C3orf52: variants seen among roughly 807,000 people sequenced by gnomAD.
C3orf52 encodes the protein TPA-induced transmembrane protein.
C3orf52 carries 22 observed loss-of-function variants against 24.8 expected under a neutral mutation model. The ratio of observed to expected loss-of-function variants is 0.89; its 90% CI spans 0.63 to 1.27. The LOEUF (loss-of-function observed/expected upper bound fraction) is 1.27. Among genes scored for constraint, C3orf52 ranks in the 50% most tolerant of loss-of-function variants. The pLI, the probability that C3orf52 is intolerant of heterozygous loss-of-function variation, is 0.00. For synonymous variants in C3orf52, 93 were observed against 100.2 expected (o/e 0.93, Z 0.43); for missense variants, 265 against 260.7 (o/e 1.02, Z -0.11).
downstream of C3orf52, among the ~76,000 whole-genome samples, chr3:112,132,053 C>T (rs2074467331): frequency 6.6e-6 from 1 of 151,940 alleles, no homozygotes; most frequent in Non-Finnish European, 1.5e-5. Context: ...AAATAAGAAA[C>T]AATCACTACA....
chr3:112,127,097 G>C (rs1349035470), intron 4 of C3orf52: 2 of 1,077,984 alleles, frequency 1.9e-6, no homozygotes, highest in Non-Finnish European at 2.8e-6. Flanking sequence ...AATGACACAA[G>C]CCTACAAAAC....
intron 4 of C3orf52, 76 bp from the exon 5 acceptor site, chr3:112,112,888 A>AAAAT: frequency 7.9e-7 from 1 of 1,261,000 alleles, no homozygotes; most frequent in South Asian, 1.3e-5. Flanking sequence ...AAAAAAAAAA[A>AAAAT]AGTTATTGCT....
chr3:112,132,981 A>G (rs1292883660), downstream of C3orf52: 4 of 1,075,910 alleles, frequency 3.7e-6, no homozygotes, highest in African/African-American at 1.6e-5. Flanking sequence ...TTACCCAACT[A>G]CTTTCTACCC....
chr3:112,108,271 C>G (rs527724801), intron 3 of C3orf52, among the ~76,000 whole-genome samples: 1 of 152,064 alleles, frequency 6.6e-6, no homozygotes, highest in Admixed American at 6.6e-5. Flanking sequence ...CACTAGTAAG[C>G]GAGGCAGTAC....
intron 4 of C3orf52, among the ~76,000 whole-genome samples, chr3:112,123,932 A>G (rs147793263): frequency 2.0e-3 from 298 of 152,082 alleles, no homozygotes; most frequent in Non-Finnish European, 3.6e-3. Context: ...TTCTACCCCA[A>G]CCACTAGGCT....
chr3:112,093,264 G>C (rs2073895493), intron 1 of C3orf52, 96 bp from the exon 2 acceptor site: 2 of 1,335,178 alleles, frequency 1.5e-6, no homozygotes, highest in East Asian at 4.8e-5. Flanking sequence ...TCAGGGTCTT[G>C]CTGCCTTCAT....
chr3:112,127,922 C>T, intron 4 of C3orf52: 1 of 989,164 alleles, frequency 1.0e-6, no homozygotes, highest in Middle Eastern at 2.1e-4. Context: ...GACAGGCTTC[C>T]ACTGTGGCCA....
At chr3:112,133,808 A>T (rs1244513467), downstream of C3orf52, 2 of 152,248 alleles carry the variant, frequency 1.3e-5, no homozygotes, top group Admixed American at 1.3e-4. Context: ...ATGCAAAATG[A>T]CAGCCTTTTT....
In C3orf52 at chr3:112,116,937, T is replaced by C; in HGVS notation, c.*291T>C. On this transcript the variant is annotated 3_prime_UTR_variant, in exon 6 of 6. Coordinates refer to ENST00000264848, the MANE Select transcript of C3orf52 (RefSeq NM_024616.3). ...TCCCACTGTTGGAGGTCACTGGTAT[T>C]CTGTTTGTTTTTGTTTTGTTTCGTT... 2 of 1,533,674 alleles carry C rather than the reference T, an allele frequency of 1.3e-6. No individual in the cohort carries two copies. The highest frequency in any genetic ancestry group is 1.4e-5 in the African/African-American group (1 of 73,012).
At chr3:112,091,911 G>A (rs748824078) in intron 1 of C3orf52, among the ~76,000 whole-genome samples, 15 of 152,120 alleles carry the variant, frequency 9.9e-5, no homozygotes, top group Non-Finnish European at 1.8e-4. Context: ...GGCTGAGGCA[G>A]GAGAATGGCG....
chr3:112,109,959 G>A (rs2074062322), intron 4 of C3orf52: 1 of 223,366 alleles, frequency 4.5e-6, no homozygotes, highest in South Asian at 8.3e-5. Flanking sequence ...GCTGTGATGC[G>A]AGTGATACAT....
intron 4 of C3orf52, chr3:112,127,928 G>T: frequency 9.4e-7 from 1 of 1,068,204 alleles, no homozygotes; most frequent in South Asian, 1.3e-5. Flanking sequence ...CTTCCACTGT[G>T]GCCACAGACA....
intron 2 of C3orf52, among the ~76,000 whole-genome samples, chr3:112,094,503 T>C (rs963409488): frequency 6.6e-6 from 1 of 152,232 alleles, no homozygotes; most frequent in Non-Finnish European, 1.5e-5. Context: ...TATTTTCTTC[T>C]AGTCTTTTGT....
At position 112,116,790 on chromosome 3, in the gene C3orf52, C is replaced by A; in HGVS notation, c.*144C>A. ...CAGAGGGGTGGAGACTCCTTTCTCT[C>A]CCGATTCTACAGTCTGGCTCTAAGC... On this transcript the variant is annotated 3_prime_UTR_variant, in exon 6 of 6. Transcript: ENST00000264848. The A allele has an allele frequency of 1.3e-6, 2 of 1,542,118 alleles. No homozygotes were observed. The highest frequency in any genetic ancestry group is 1.7e-6 in the Non-Finnish European group (2 of 1,146,952).
chr3:112,113,400 A>C (rs187770061), intron 5 of C3orf52, among the ~76,000 whole-genome samples: 3 of 152,354 alleles, frequency 2.0e-5, no homozygotes, highest in Admixed American at 6.5e-5. Flanking sequence ...TAATTCAACT[A>C]TAAAGATGAA....
chr3:112,109,983 C>G (rs145482228), intron 4 of C3orf52, among the ~76,000 whole-genome samples: 2 of 152,240 alleles, frequency 1.3e-5, no homozygotes, highest in East Asian at 3.9e-4. Flanking sequence ...TAGGCATTTG[C>G]TTTTGAGGAG....
chr3:112,087,515 C>T (rs1371910944), intron 1 of C3orf52, among the ~76,000 whole-genome samples: 3 of 152,180 alleles, frequency 2.0e-5, no homozygotes, highest in Non-Finnish European at 4.4e-5. Flanking sequence ...ACTCCTCCAC[C>T]CCCAACTTTT....
intron 2 of C3orf52, among the ~76,000 whole-genome samples, chr3:112,095,602 AT>A (rs893569101): frequency 9.2e-5 from 14 of 152,224 alleles, no homozygotes; most frequent in African/African-American, 3.4e-4. Context: ...TCAGGGAAGA[AT>A]TTTTTTAACA....
downstream of C3orf52, chr3:112,133,362 C>T: frequency 2.2e-6 from 1 of 447,286 alleles, no homozygotes; most frequent in South Asian, 3.7e-5. Flanking sequence ...TGGCTGTTGG[C>T]CATAACCAGC....
Sources: gnomAD v4.1 joint callset for allele counts (sites outside exome capture counted in the v4.1 genomes callset) on GRCh38, gnomAD v4.1.1 for gene constraint, MANE v1.5 for transcripts, NCBI Gene and HGNC (gene_info 2026-07-23, HGNC 2026-07-21) for gene names.